The following AMPD3 variants were observed in gnomAD, a reference collection of about 807,000 sequenced individuals.
The protein encoded by AMPD3 is adenosine monophosphate deaminase 3.
Under a neutral mutation model 82.3 loss-of-function variants are expected in AMPD3, and 57 were observed. That is an observed-to-expected ratio of 0.69 (90% confidence interval 0.56 to 0.86). The LOEUF (loss-of-function observed/expected upper bound fraction) is 0.86, where lower values mean the gene tolerates loss of function less well. AMPD3 is among the 40% of genes least tolerant of loss of function. The pLI is 0.00. For missense variants in AMPD3, 870 were observed against 1,003.8 expected, an observed-to-expected ratio of 0.87 and a Z score of 1.80; for synonymous variants, 381 against 394.7, an observed-to-expected ratio of 0.97 and a Z score of 0.41.
At chr11:10,504,760 G>T in intron 14 of AMPD3, 101 bp downstream of exon 14, 1 of 1,125,910 alleles carries the variant, frequency 8.9e-7, no homozygotes. Flanking sequence ...AACATAGCAG[G>T]CAGGGCCTCT....
chr11:10,452,941 GT>G (rs200004354), upstream of AMPD3, among the ~76,000 whole-genome samples: 1,016 of 151,188 alleles, frequency 6.7e-3, 17 homozygotes, highest in Non-Finnish European at 0.011. Context: ...TCTAGCTGGA[GT>G]TTTTTTTGTT....
chr11:10,488,325 T>G, intron 6 of AMPD3: 3 of 985,348 alleles, frequency 3.0e-6, no homozygotes, highest in Non-Finnish European at 3.6e-6. Context: ...GTCAACCAGG[T>G]GGCTTTGAGG....
chr11:10,498,798 C>T (rs1405536593), intron 10 of AMPD3, among the ~76,000 whole-genome samples: 1 of 152,242 alleles, frequency 6.6e-6, no homozygotes, highest in Admixed American at 6.5e-5. Context: ...CTCTTTCTCC[C>T]ATCTGCTATT....
intron 6 of AMPD3, among the ~76,000 whole-genome samples, chr11:10,492,000 C>T (rs573538653): frequency 4.6e-5 from 7 of 152,090 alleles, no homozygotes; most frequent in Non-Finnish European, 1.0e-4. Flanking sequence ...GACAAGAGGG[C>T]CCAGGACCAG....
Position 10,456,227 on chromosome 11 carries a change from C to T in AMPD3, c.-6+779C>T, listed in dbSNP as rs1848088655. 6.8e-7 allele frequency: 1 copy of T among 1,470,864 alleles called. No individual in the cohort carries two copies. The allele number at this position is 1,470,864 out of a possible 1,614,324, so 91.1% of individuals were successfully genotyped here. A position where few individuals can be genotyped will look rare whatever the true frequency, so the allele number is the denominator to read the frequency against. Reference sequence around the variant, plus strand: ...CCAGCCCAGGCTTTTCCTGCTCTGGCTCACTGCTGCTCACAGATATGCAAA... The same window carrying T: ...CCAGCCCAGGCTTTTCCTGCTCTGGTTCACTGCTGCTCACAGATATGCAAA... On this transcript the variant is annotated intron_variant, in intron 1 of 14. Coordinates refer to ENST00000396553, the MANE Select transcript of AMPD3 (RefSeq NM_001025389.2). This position sits in a 1 kb window ranked among gnomAD's most constrained non-coding sequence, Gnocchi z 4.3.
At chr11:10,450,749 TCCGCTCCGCG>T, upstream of AMPD3, 1 of 1,141,818 alleles carries the variant, frequency 8.8e-7, no homozygotes, top group Non-Finnish European at 1.1e-6. Context: ...CTCTCTCTGC[TCCGCTCCGCG>T]CCCAGGTAGG....
At chr11:10,504,391 G>T (rs1591489708) in intron 13 of AMPD3, 158 bp from the exon 14 acceptor site, 1 of 469,214 alleles carries the variant, frequency 2.1e-6, no homozygotes. Flanking sequence ...CAGAAGAAAA[G>T]ATCTTAGGCT....
rs1384703022 is a variant in AMPD3 at position 10,484,871 on chromosome 11, C to T, written c.641C>T (p.Ala214Val). The T allele has an allele frequency of 6.2e-7, 1 of 1,614,086 alleles. No homozygotes were observed. Among genetic ancestry groups the T allele is most frequent in the Admixed American group, 1.7e-5 (1 of 60,026 alleles). ...PQEDPYCLDD[A>V]PPNLDYLVHM... ...GAAGACCCCTACTGCCTGGATGATG[C>T]ACCCCCCAACCTGGATTACTTGGTC... Residue 214 changes from alanine (A) to valine (V), a missense_variant, in exon 5 of 15, where the codon GCA (alanine) becomes GTA (valine). Physicochemically the swap from Ala to Val is moderately conservative, Grantham distance 64. Coordinates refer to ENST00000396553, the MANE Select transcript of AMPD3 (RefSeq NM_001025389.2).
At position 10,456,140 on chromosome 11, in the gene AMPD3, A is replaced by G; in HGVS notation, c.-6+692A>G. ...CATTTTGTTTTGGATAACTGGGATT[A>G]CCTGGGGACTTCAGGGCTCTTGGAA... On this transcript the variant is annotated intron_variant, in intron 1 of 14. Coordinates refer to ENST00000396553, the MANE Select transcript of AMPD3 (RefSeq NM_001025389.2). This position sits in a 1 kb window ranked among gnomAD's most constrained non-coding sequence, Gnocchi z 4.3. 7.3e-7 allele frequency: 1 copy of G among 1,369,450 alleles called. No homozygotes were observed. Among genetic ancestry groups the G allele is most frequent in the South Asian group, 1.7e-5 (1 of 57,612 alleles). 84.8% of individuals were successfully genotyped at this position (1,369,450 alleles called of 1,614,324 possible).
chr11:10,471,209 G>A (rs908099317), intron 2 of AMPD3, among the ~76,000 whole-genome samples: 3 of 152,186 alleles, frequency 2.0e-5, no homozygotes, highest in Admixed American at 1.3e-4. Flanking sequence ...ACAAGCAATG[G>A]GGAAAGGATT....
upstream of AMPD3, among the ~76,000 whole-genome samples, chr11:10,452,930 G>A (rs1284191336): frequency 6.6e-6 from 1 of 152,102 alleles, no homozygotes; most frequent in Non-Finnish European, 1.5e-5. Flanking sequence ...AATGCAGGGA[G>A]TCTAGCTGGA....
At chr11:10,486,595 C>T in intron 5 of AMPD3, 1 of 985,344 alleles carries the variant, frequency 1.0e-6, no homozygotes, top group Non-Finnish European at 1.2e-6. Flanking sequence ...TCCCTACAGT[C>T]CCAATCCACC....
intron 2 of AMPD3, among the ~76,000 whole-genome samples, chr11:10,464,889 A>G (rs577419244): frequency 8.5e-4 from 129 of 152,314 alleles, no homozygotes; most frequent in African/African-American, 2.9e-3. Context: ...AAAGAAGCAA[A>G]TTAGAAGCAG....
rs917340317 is a variant in AMPD3 at position 10,507,044 on chromosome 11, A to C, written c.*1160A>C. The C allele has an allele frequency of 1.3e-5, 2 of 152,606 alleles. No individual in the cohort carries two copies. Among genetic ancestry groups the C allele is most frequent in the African/African-American group, 4.8e-5 (2 of 41,432 alleles). 9.5% of individuals were successfully genotyped at this position (152,606 alleles called of 1,614,324 possible). ...GCATTTTTAAAGATTAATCTGAATT[A>C]AGCTTTATCAGTGTACTCTTTATCT... On this transcript the variant is annotated 3_prime_UTR_variant, in exon 15 of 15. Transcript: ENST00000396553.
chr11:10,450,966 C>G, upstream of AMPD3: 1 of 1,524,452 alleles, frequency 6.6e-7, no homozygotes, highest in Non-Finnish European at 8.8e-7. Flanking sequence ...CCGCTCCGCT[C>G]TGCCCAGCGC....
upstream of AMPD3, chr11:10,451,108 G>A (rs1445689676): frequency 5.2e-6 from 8 of 1,540,550 alleles, no homozygotes; most frequent in Non-Finnish European, 7.0e-6. Flanking sequence ...GGCCCAGGCG[G>A]GAATCAGCAG....
Position 10,461,509 on chromosome 11 carries a change from TGCTAGCTGAGATGCC to T in AMPD3, c.-5-3_7del, listed in dbSNP as rs1564838808. The T allele has an allele frequency of 1.2e-6, 2 of 1,614,188 alleles. No individual in the cohort carries two copies. Among genetic ancestry groups the T allele is most frequent in the Admixed American group, 3.3e-5 (2 of 60,034 alleles). On this transcript the variant is annotated splice_acceptor_variant and splice_polypyrimidine_tract_variant and coding_sequence_variant and 5_prime_UTR_variant and intron_variant, in exon 2 of 15. Coordinates refer to ENST00000396553, the MANE Select transcript of AMPD3 (RefSeq NM_001025389.2). LOFTEE classifies it high-confidence loss of function. The stretch of plus-strand genomic sequence containing the variant: ...CTGCAATTCATGCTTGTTCTTTCTT[TGCTAGCTGAGATGCC>T]GCGGCAGTTTCCCAAGCTGAACATC...
chr11:10,482,279 G>C, intron 4 of AMPD3, 54 bp downstream of exon 4: 2 of 1,590,576 alleles, frequency 1.3e-6, no homozygotes, highest in African/African-American at 1.3e-5. Context: ...CCGAGAGCTA[G>C]TCAGGGCTTT....
At chr11:10,487,902 A>G (rs1401578195) in intron 6 of AMPD3, among the ~76,000 whole-genome samples, 2 of 152,082 alleles carry the variant, frequency 1.3e-5, no homozygotes, top group Non-Finnish European at 2.9e-5. Context: ...GGTGCAGCAA[A>G]CCACCATGGC....
Sources: allele counts gnomAD v4.1 joint callset (sites outside exome capture counted in the v4.1 genomes callset), GRCh38; gene constraint gnomAD v4.1.1; non-coding constraint Gnocchi (gnomAD v3.1); transcripts MANE v1.5; gene names NCBI Gene and HGNC (gene_info 2026-07-23, HGNC 2026-07-21).